The following SYNDIG1 variants were observed in gnomAD, a reference collection of about 807,000 sequenced individuals.
The protein encoded by SYNDIG1 is synapse differentiation inducing 1, also known as synapse differentiation-inducing gene protein 1.
Under a neutral mutation model 19.4 loss-of-function variants are expected in SYNDIG1, and 9 were observed. The ratio of observed to expected loss-of-function variants is 0.46; its 90% CI spans 0.28 to 0.81. The LOEUF (loss-of-function observed/expected upper bound fraction) is 0.81, where lower values mean the gene tolerates loss of function less well. SYNDIG1 is among the 30% of genes least tolerant of loss of function. SYNDIG1 has a pLI of 0.12. For missense variants in SYNDIG1, 311 were observed against 343.3 expected (o/e 0.91, Z 0.74); for synonymous variants, 141 against 145.9 (o/e 0.97, Z 0.24).
intron 2 of SYNDIG1, among the ~76,000 whole-genome samples, chr20:24,582,143 G>T (rs1356146312): frequency 7.9e-6 from 1 of 126,880 alleles, no homozygotes; most frequent in Non-Finnish European, 1.6e-5. Flanking sequence ...CCTCCCTGCT[G>T]CACTCCCTCC....
At chr20:24,572,517 G>T (rs141719145) in intron 2 of SYNDIG1, among the ~76,000 whole-genome samples, 1 of 152,344 alleles carries the variant, frequency 6.6e-6, no homozygotes, top group South Asian at 2.1e-4. Context: ...TCTTGAGAGC[G>T]TGGAGCGACT....
At chr20:24,653,671 T>C (rs1447531708) in intron 3 of SYNDIG1, among the ~76,000 whole-genome samples, 1 of 152,198 alleles carries the variant, frequency 6.6e-6, no homozygotes, top group African/African-American at 2.4e-5. Context: ...ACTGAATGTC[T>C]CTATGTTAGT....
At chr20:24,621,048 T>C (rs1435907700) in intron 3 of SYNDIG1, among the ~76,000 whole-genome samples, 1 of 152,214 alleles carries the variant, frequency 6.6e-6, no homozygotes, top group Non-Finnish European at 1.5e-5. Context: ...GAATCTTCAG[T>C]GGGCAAAGTA....
chr20:24,626,348 C>T (rs1382112290), intron 3 of SYNDIG1, among the ~76,000 whole-genome samples: 1 of 151,686 alleles, frequency 6.6e-6, no homozygotes, highest in African/African-American at 2.4e-5. Context: ...AGGGTCTCCT[C>T]ACTTCTCAGA....
Position 24,566,671 on chromosome 20 carries a change from T to C in SYNDIG1, c.481-18185T>C, listed in dbSNP as rs2058048038. On this transcript the variant is annotated intron_variant, in intron 2 of 3. Coordinates refer to ENST00000376862, the MANE Select transcript of SYNDIG1 (RefSeq NM_024893.3). ...CCTCATCTCATGGAAAGAAAAATGGTTTGGGAGCACTGAGTTCCCGTCCCC... is the reference window on the plus strand; with the variant it reads ...CCTCATCTCATGGAAAGAAAAATGGCTTGGGAGCACTGAGTTCCCGTCCCC... 2.6e-5 allele frequency among the ~76,000 whole-genome samples: 4 copies of C among 152,246 alleles called. No individual in the cohort carries two copies. In the South Asian group the frequency reaches 8.3e-4, roughly 32 times the overall value.
chr20:24,483,059 A>C (rs1282046281), intron 1 of SYNDIG1, among the ~76,000 whole-genome samples: 1 of 152,250 alleles, frequency 6.6e-6, no homozygotes, highest in Non-Finnish European at 1.5e-5. Context: ...ATCCTTTGGA[A>C]GTAATCAGAG....
chr20:24,566,270 G>A (rs2058040247), intron 2 of SYNDIG1, among the ~76,000 whole-genome samples: 1 of 152,148 alleles, frequency 6.6e-6, no homozygotes, highest in African/African-American at 2.4e-5. Context: ...TCCTAGACAG[G>A]TCTCCAGATC....
chr20:24,521,949 C>T (rs1484162771), intron 1 of SYNDIG1, among the ~76,000 whole-genome samples: 1 of 151,120 alleles, frequency 6.6e-6, no homozygotes, highest in Admixed American at 6.6e-5. Flanking sequence ...ATGAAAGTTA[C>T]AAACCTTTCC....
At chr20:24,508,384 A>G (rs1255487352) in intron 1 of SYNDIG1, among the ~76,000 whole-genome samples, 2 of 151,752 alleles carry the variant, frequency 1.3e-5, no homozygotes, top group Admixed American at 1.3e-4. Flanking sequence ...GTGCACCACT[A>G]CGCCCAGCTA....
At chr20:24,503,514 A>G (rs1196880194) in intron 1 of SYNDIG1, among the ~76,000 whole-genome samples, 2 of 152,158 alleles carry the variant, frequency 1.3e-5, no homozygotes, top group African/African-American at 2.4e-5. Flanking sequence ...AAGCTCGTCT[A>G]CTTTTGCTCT....
At chr20:24,598,557 G>T (rs977165916) in intron 3 of SYNDIG1, among the ~76,000 whole-genome samples, 5 of 152,212 alleles carry the variant, frequency 3.3e-5, no homozygotes, top group Non-Finnish European at 7.3e-5. Flanking sequence ...TTGGCTACAC[G>T]CCAGGACTGG....
intron 1 of SYNDIG1, among the ~76,000 whole-genome samples, chr20:24,521,919 A>G (rs897343922): frequency 6.6e-6 from 1 of 150,666 alleles, no homozygotes; most frequent in African/African-American, 2.5e-5. Context: ...AAAAAAATTA[A>G]GTAATACCCC....
intron 3 of SYNDIG1, among the ~76,000 whole-genome samples, chr20:24,618,356 G>A (rs373956581): frequency 3.2e-4 from 48 of 149,170 alleles, no homozygotes; most frequent in East Asian, 1.6e-3. Context: ...TCCCGGGGAG[G>A]GGGGAGAGCC....
chr20:24,653,646 T>C (rs906540680), intron 3 of SYNDIG1, among the ~76,000 whole-genome samples: 8 of 152,172 alleles, frequency 5.3e-5, no homozygotes, highest in Non-Finnish European at 7.3e-5. Flanking sequence ...AGTTAGGGGA[T>C]TTATCCCTGG....
At chr20:24,481,023 A>G (rs2055781666) in intron 1 of SYNDIG1, among the ~76,000 whole-genome samples, 2 of 152,186 alleles carry the variant, frequency 1.3e-5, no homozygotes, top group Non-Finnish European at 2.9e-5. Flanking sequence ...TACGTGCGAG[A>G]TGAAAAAGTT....
chr20:24,656,192 T>C (rs2059524346), intron 3 of SYNDIG1, among the ~76,000 whole-genome samples: 1 of 152,132 alleles, frequency 6.6e-6, no homozygotes, highest in Admixed American at 6.5e-5. Flanking sequence ...ACAGAGCACT[T>C]CTCTATGAGT....
At chr20:24,533,303 T>G (rs1016945977) in intron 1 of SYNDIG1, among the ~76,000 whole-genome samples, 1 of 152,206 alleles carries the variant, frequency 6.6e-6, no homozygotes, top group Non-Finnish European at 1.5e-5. Context: ...CAGCTCTTTC[T>G]GGTGGTTTCT....
intron 1 of SYNDIG1, among the ~76,000 whole-genome samples, chr20:24,483,969 G>A (rs565051483): frequency 1.3e-5 from 2 of 152,238 alleles, no homozygotes; most frequent in African/African-American, 4.8e-5. Context: ...GGGTCTTCTC[G>A]GCAGAGGGTG....
intron 1 of SYNDIG1, among the ~76,000 whole-genome samples, chr20:24,512,108 AATATATATATATATATATAT>A (rs56002733): frequency 7.2e-4 from 55 of 76,550 alleles, no homozygotes; most frequent in Admixed American, 1.8e-3. Flanking sequence ...TGGTCTTTAA[AATATATATATATATATATAT>A]ATATATATAT....
Sources: allele counts gnomAD v4.1 joint callset (sites outside exome capture counted in the v4.1 genomes callset), GRCh38; gene constraint gnomAD v4.1.1; transcripts MANE v1.5; gene names NCBI Gene and HGNC (gene_info 2026-07-23, HGNC 2026-07-21).